SYNE1: variants seen among roughly 807,000 people sequenced by gnomAD.
SYNE1 encodes the protein nesprin-1.
A neutral mutation model predicts 1,111.0 loss-of-function variants in SYNE1; 616 were observed. The ratio of observed to expected loss-of-function variants is 0.55; its 90% CI spans 0.52 to 0.59. The LOEUF (loss-of-function observed/expected upper bound fraction) is 0.59. Among genes scored for constraint, SYNE1 ranks in the 20% least tolerant of loss-of-function variants. SYNE1 has a pLI of 0.00. For synonymous variants in SYNE1, 3,855 were observed against 3,825.8 expected, an observed-to-expected ratio of 1.01 and a Z score of -0.28; for missense variants, 10,006 against 10,417.0, an observed-to-expected ratio of 0.96 and a Z score of 1.72.
intron 14 of SYNE1, among the ~76,000 whole-genome samples, chr6:152,482,667 C>T (rs1455136671): frequency 6.6e-6 from 1 of 152,140 alleles, no homozygotes; most frequent in African/African-American, 2.4e-5. Context: ...AGCCTCCATT[C>T]CTTCTACCCC....
intron 61 of SYNE1, 149 bp downstream of exon 61, chr6:152,368,822 TA>T: frequency 1.1e-6 from 1 of 938,774 alleles, no homozygotes; most frequent in Non-Finnish European, 1.7e-6. Context: ...ATTGCAAGGC[TA>T]AGGAAACAGC....
At chr6:152,418,517 T>G (rs2098201408) in intron 40 of SYNE1, among the ~76,000 whole-genome samples, 1 of 152,244 alleles carries the variant, frequency 6.6e-6, no homozygotes, top group Non-Finnish European at 1.5e-5. Flanking sequence ...GTAGCTTATC[T>G]CCATTATTTC....
intron 103 of SYNE1, 123 bp from the exon 104 acceptor site, chr6:152,255,212 A>G: frequency 1.2e-6 from 1 of 856,864 alleles, no homozygotes; most frequent in East Asian, 2.7e-5. Context: ...CAGACCTAAG[A>G]CAACTGGAAC....
At chr6:152,275,104 G>C (rs775142452) in intron 98 of SYNE1, among the ~76,000 whole-genome samples, 4 of 152,054 alleles carry the variant, frequency 2.6e-5, no homozygotes, top group Non-Finnish European at 5.9e-5. Flanking sequence ...ATGGGGTTTT[G>C]CTATGATACC....
At chr6:152,162,908 T>G (rs184230813) in intron 131 of SYNE1, among the ~76,000 whole-genome samples, 73 of 152,284 alleles carry the variant, frequency 4.8e-4, no homozygotes, top group African/African-American at 1.6e-3. Flanking sequence ...AATGATAATT[T>G]TAATATTAAA....
chr6:152,450,476 A>G, intron 27 of SYNE1, 149 bp downstream of exon 27: 1 of 887,430 alleles, frequency 1.1e-6, no homozygotes, highest in South Asian at 1.4e-5. Flanking sequence ...GATTCTGACT[A>G]AAATCCATTC....
Position 152,184,671 on chromosome 6 carries a change from GA to G in SYNE1, c.23302-4378del, listed in dbSNP as rs1186353881. On this transcript the variant is annotated intron_variant, in intron 128 of 145. Coordinates refer to ENST00000367255, the MANE Select transcript of SYNE1 (RefSeq NM_182961.4). The stretch of plus-strand genomic sequence containing the variant: ...AGATAGATAGATAGATAGATAGATA[GA>G]TAGATAAAATATATATTAAATCCCT... 3.4e-5 allele frequency among the ~76,000 whole-genome samples: 5 copies of G among 147,298 alleles called. No homozygotes were observed. In the East Asian group the frequency reaches 9.8e-4, roughly 29 times the overall value.
intron 136 of SYNE1, 144 bp downstream of exon 136, chr6:152,149,333 C>A (rs144270564): frequency 3.2e-6 from 3 of 950,250 alleles, no homozygotes; most frequent in Non-Finnish European, 4.8e-6. Flanking sequence ...AAGGTGACAG[C>A]GACAATGTAG....
At chr6:152,296,532 T>C (rs1482124085) in intron 93 of SYNE1, among the ~76,000 whole-genome samples, 1 of 152,240 alleles carries the variant, frequency 6.6e-6, no homozygotes, top group East Asian at 1.9e-4. Context: ...CCACTGCTTA[T>C]GGGAGGATGG....
Position 152,309,864 on chromosome 6 carries a change from T to C in SYNE1, c.17173A>G (p.Thr5725Ala), listed in dbSNP as rs761088780. The C allele has an allele frequency of 6.2e-7, 1 of 1,614,036 alleles. No homozygotes were observed. Among genetic ancestry groups the C allele is most frequent in the South Asian group, 1.1e-5 (1 of 91,086 alleles). The change falls in exon 90 of 146, where the codon ACC becomes GCC. Residue 5725 changes from threonine (T) to alanine (A), a missense_variant. By Grantham distance (58) the Thr-to-Ala change is moderately conservative. Around this residue, in one of 7 missense-constraint regions of SYNE1, gnomAD observed 4,955 missense variants for 5,017.2 expected, o/e 0.99. Coordinates refer to ENST00000367255, the MANE Select transcript of SYNE1 (RefSeq NM_182961.4). ...LQEEASRLQH[T>A]AIQQCNIMQE... The stretch of plus-strand genomic sequence containing the variant: ...ATGATGTTACACTGCTGGATGGCGG[T>C]GTGCTGCAGCCGGCTGGCCTCTTCC...
At chr6:152,451,915 A>G (rs2098654354) in intron 25 of SYNE1, among the ~76,000 whole-genome samples, 1 of 152,122 alleles carries the variant, frequency 6.6e-6, no homozygotes, top group Admixed American at 6.6e-5. Context: ...GATTTTGTCA[A>G]TGACCTTGTG....
intron 132 of SYNE1, chr6:152,155,460 C>T (rs1376479654): frequency 3.2e-6 from 1 of 311,906 alleles, no homozygotes; most frequent in Non-Finnish European, 6.1e-6. Flanking sequence ...TAATCTATGA[C>T]AGCAGGACAA....
intron 3 of SYNE1, among the ~76,000 whole-genome samples, chr6:152,616,608 T>G (rs2099651473): frequency 6.6e-6 from 1 of 152,142 alleles, no homozygotes; most frequent in African/African-American, 2.4e-5. Flanking sequence ...AAAGCTAGTG[T>G]TGATTCTGGT....
chr6:152,462,219 A>G (rs1006986013), intron 20 of SYNE1, among the ~76,000 whole-genome samples: 1 of 152,074 alleles, frequency 6.6e-6, no homozygotes, highest in Non-Finnish European at 1.5e-5. Flanking sequence ...CATCTTATCT[A>G]TACATCATTA....
At chr6:152,265,208 A>G (rs996961101) in intron 100 of SYNE1, among the ~76,000 whole-genome samples, 44 of 41,490 alleles carry the variant, frequency 1.1e-3, no homozygotes, top group Middle Eastern at 7.4e-3. Flanking sequence ...TCTGTCTCAG[A>G]AAAAAAAAAA....
intron 3 of SYNE1, among the ~76,000 whole-genome samples, chr6:152,573,575 A>C (rs2099481948): frequency 6.6e-6 from 1 of 152,056 alleles, no homozygotes; most frequent in Non-Finnish European, 1.5e-5. Context: ...ACCCCAACTT[A>C]CCATTCTCTA....
At chr6:152,351,949 A>C in intron 70 of SYNE1, 78 bp downstream of exon 70, 1 of 1,366,428 alleles carries the variant, frequency 7.3e-7, no homozygotes, top group South Asian at 1.2e-5. Flanking sequence ...TACGGGTGAC[A>C]CCCAGCAAGA....
chr6:152,488,427 A>T lies in SYNE1; in HGVS notation c.1016T>A (p.Met339Lys). 1.2e-6 allele frequency: 2 copies of T among 1,608,458 alleles called. No homozygotes were observed. Among genetic ancestry groups the T allele is most frequent in the Non-Finnish European group, 1.7e-6 (2 of 1,176,150 alleles). The change falls in exon 12 of 146, where the codon ATG becomes AAG. Residue 339 changes from methionine (M) to lysine (K), a missense_variant. Physicochemically the swap from Met to Lys is moderately conservative, Grantham distance 95 (BLOSUM62 -1). Around this residue, in one of 7 missense-constraint regions of SYNE1, gnomAD observed 1,971 missense variants for 2,084.1 expected, o/e 0.95. Transcript: ENST00000367255. ...TTTATCCTGTAAATTTGATTCCACC[A>T]TCTGTGCTCTTGTCAAATCTCTCTC... ...QFERDLTRAQ[M>K]VESNLQDKYQ...
At chr6:152,393,652 G>A (rs1392611396) in intron 51 of SYNE1, among the ~76,000 whole-genome samples, 1 of 151,992 alleles carries the variant, frequency 6.6e-6, no homozygotes, top group East Asian at 1.9e-4. Flanking sequence ...ATGTATTTCA[G>A]GGACAATTTA....
Sources: gnomAD v4.1 joint callset for allele counts (sites outside exome capture counted in the v4.1 genomes callset) on GRCh38, gnomAD v4.1.1 for gene constraint, gnomAD v4.1.1 regional missense constraint, MANE v1.5 for transcripts, NCBI Gene and HGNC (gene_info 2026-07-23, HGNC 2026-07-21) for gene names.